The following THADA variants were observed in gnomAD, a reference collection of about 807,000 sequenced individuals.
The protein encoded by THADA is THADA armadillo repeat containing, also known as tRNA (32-2'-O)-methyltransferase regulator THADA.
Under a neutral mutation model 219.8 loss-of-function variants are expected in THADA, and 213 were observed. The observed-to-expected ratio is 0.97, with a 90% confidence interval of 0.87 to 1.09. The LOEUF (loss-of-function observed/expected upper bound fraction) is 1.09, where lower values mean the gene tolerates loss of function less well. THADA is among the 50% of genes least tolerant of loss of function. THADA has a pLI of 0.00. For synonymous variants in THADA, 1,018 were observed against 828.9 expected, an observed-to-expected ratio of 1.23 and a Z score of -3.92; for missense variants, 2,956 against 2,311.3, an observed-to-expected ratio of 1.28 and a Z score of -5.72.
At chr2:43,363,886 T>C (rs778220528) in intron 29 of THADA, among the ~76,000 whole-genome samples, 2 of 152,070 alleles carry the variant, frequency 1.3e-5, no homozygotes, top group Admixed American at 6.6e-5. Flanking sequence ...GATGGCACCA[T>C]TGCACTCAAG....
At chr2:43,391,860 T>C (rs1376126912) in intron 29 of THADA, 2 of 152,222 alleles carry the variant, frequency 1.3e-5, no homozygotes, top group Non-Finnish European at 2.9e-5. Context: ...GGGACCTTTC[T>C]AGCAACTTAA....
chr2:43,530,018 A>G (rs6720673), intron 21 of THADA, among the ~76,000 whole-genome samples: 1,560 of 152,346 alleles, frequency 0.01, 29 homozygotes, highest in African/African-American at 0.035. Flanking sequence ...GGTTCTAAAT[A>G]GAGGAAAACT....
At chr2:43,587,428 A>G (rs1701140048) in intron 4 of THADA, among the ~76,000 whole-genome samples, 1 of 152,092 alleles carries the variant, frequency 6.6e-6, no homozygotes, top group Non-Finnish European at 1.5e-5. Context: ...AATGGCATCT[A>G]TCACAATCCT....
chr2:43,414,970 C>T (rs1470904907), intron 28 of THADA, among the ~76,000 whole-genome samples: 1 of 152,142 alleles, frequency 6.6e-6, no homozygotes, highest in East Asian at 1.9e-4. Context: ...AAACACGATG[C>T]CATGCTTCAC....
At chr2:43,576,249 C>G (rs886467442) in intron 10 of THADA, among the ~76,000 whole-genome samples, 10 of 152,074 alleles carry the variant, frequency 6.6e-5, no homozygotes, top group Admixed American at 6.6e-5. Flanking sequence ...TTTAGTTTTC[C>G]TCCTTTATTC....
intron 29 of THADA, among the ~76,000 whole-genome samples, chr2:43,389,070 T>G (rs1673047006): frequency 6.6e-6 from 1 of 152,204 alleles, no homozygotes; most frequent in African/African-American, 2.4e-5. Context: ...TCATTTAATC[T>G]TCGCAGCCAC....
At chr2:43,454,389 C>A (rs111493600) in intron 26 of THADA, among the ~76,000 whole-genome samples, 2,888 of 152,048 alleles carry the variant, frequency 0.019, 45 homozygotes, top group African/African-American at 0.048. Flanking sequence ...TTGCTTGAGT[C>A]CAAGAGTTCA....
chr2:43,454,828 G>A (rs148502623), intron 26 of THADA, among the ~76,000 whole-genome samples: 4 of 152,178 alleles, frequency 2.6e-5, no homozygotes, highest in East Asian at 1.9e-4. Context: ...AGTTAAATAC[G>A]AATAAGAAGC....
At chr2:43,296,765 C>T (rs1675440350) in intron 31 of THADA, among the ~76,000 whole-genome samples, 1 of 152,216 alleles carries the variant, frequency 6.6e-6, no homozygotes, top group African/African-American at 2.4e-5. Flanking sequence ...GACAGCATTA[C>T]ATTCAAAAGG....
At chr2:43,287,987 G>A (rs1306507796) in intron 34 of THADA, among the ~76,000 whole-genome samples, 2 of 152,236 alleles carry the variant, frequency 1.3e-5, no homozygotes, top group East Asian at 3.8e-4. Context: ...GGGACCCTAA[G>A]ATAGAAACTA....
At chr2:43,369,044 T>C (rs1558650807) in intron 29 of THADA, among the ~76,000 whole-genome samples, 1 of 152,222 alleles carries the variant, frequency 6.6e-6, no homozygotes, top group South Asian at 2.1e-4. Context: ...TTGATCTTCA[T>C]AAGATGTATC....
chr2:43,379,846 A>T (rs575452765), intron 29 of THADA, among the ~76,000 whole-genome samples: 2 of 152,374 alleles, frequency 1.3e-5, no homozygotes, highest in East Asian at 3.9e-4. Context: ...ATAAAATGAA[A>T]CAGTATTCAG....
intron 28 of THADA, among the ~76,000 whole-genome samples, chr2:43,402,982 T>G (rs1217253037): frequency 6.6e-6 from 1 of 152,196 alleles, no homozygotes; most frequent in African/African-American, 2.4e-5. Context: ...GGAAGGAAAC[T>G]GAGATTAAGT....
chr2:43,275,082 G>A (rs979785703), intron 36 of THADA, among the ~76,000 whole-genome samples: 2 of 146,908 alleles, frequency 1.4e-5, no homozygotes, highest in African/African-American at 5.1e-5. Flanking sequence ...GCATTACTGC[G>A]AAAATTCCAC....
At chr2:43,498,694 T>C in intron 25 of THADA, 139 bp downstream of exon 25, 2 of 961,698 alleles carry the variant, frequency 2.1e-6, no homozygotes, top group Non-Finnish European at 3.0e-6. Context: ...ATCAAAAATG[T>C]AGCTTGATCC....
chr2:43,289,098 T>C (rs568658729), intron 34 of THADA, among the ~76,000 whole-genome samples: 1 of 152,368 alleles, frequency 6.6e-6, no homozygotes, highest in Admixed American at 6.5e-5. Context: ...TTCTTTTACT[T>C]AGCATAATGT....
chr2:43,349,751 G>A (rs181610765), intron 29 of THADA, among the ~76,000 whole-genome samples: 7 of 152,250 alleles, frequency 4.6e-5, no homozygotes, highest in Admixed American at 3.9e-4. Flanking sequence ...GAAATGTATC[G>A]TAATCATTAA....
chr2:43,404,547 A>C (rs1675300494), intron 28 of THADA, among the ~76,000 whole-genome samples: 1 of 151,960 alleles, frequency 6.6e-6, no homozygotes, highest in African/African-American at 2.4e-5. Context: ...TGTGATCAGA[A>C]TCAATCACTT....
At chr2:43,398,307 T>A (rs1231026567) in intron 28 of THADA, among the ~76,000 whole-genome samples, 168 bp from the exon 29 acceptor site, 2 of 152,228 alleles carry the variant, frequency 1.3e-5, no homozygotes, top group Non-Finnish European at 2.9e-5. Context: ...GTTCTACAGG[T>A]GACTTTGCTT....
Sources: allele counts gnomAD v4.1 joint callset (sites outside exome capture counted in the v4.1 genomes callset), GRCh38; gene constraint gnomAD v4.1.1; transcripts MANE v1.5; gene names NCBI Gene and HGNC (gene_info 2026-07-23, HGNC 2026-07-21).